The following CCDC62 variants were observed in gnomAD, a reference collection of about 807,000 sequenced individuals.
CCDC62 encodes coiled-coil domain-containing protein 62.
In CCDC62, 72 loss-of-function variants were observed where a neutral mutation model predicts 80.8. That is an observed-to-expected ratio of 0.89 (90% CI 0.74 to 1.08). The LOEUF is 1.08. CCDC62 is among the 50% of genes least tolerant of loss of function. The pLI, the probability that CCDC62 is intolerant of heterozygous loss-of-function variation, is 0.00. For synonymous variants in CCDC62, 286 were observed against 296.5 expected, an observed-to-expected ratio of 0.96 and a Z score of 0.36; for missense variants, 704 against 809.4, an observed-to-expected ratio of 0.87 and a Z score of 1.58.
At chr12:122,799,168 A>G (rs1312571270) in intron 8 of CCDC62, among the ~76,000 whole-genome samples, 3 of 152,182 alleles carry the variant, frequency 2.0e-5, no homozygotes, top group Non-Finnish European at 4.4e-5. Flanking sequence ...GGAAGACCCA[A>G]TCTAAGAATT....
At chr12:122,815,322 T>G (rs1326512876) in intron 11 of CCDC62, among the ~76,000 whole-genome samples, 1 of 152,118 alleles carries the variant, frequency 6.6e-6, no homozygotes, top group East Asian at 1.9e-4. Context: ...CAAGCAATCC[T>G]CCTGCCTCAG....
At chr12:122,788,542 G>A (rs2030405738) in intron 4 of CCDC62, among the ~76,000 whole-genome samples, 2 of 152,216 alleles carry the variant, frequency 1.3e-5, no homozygotes, top group Admixed American at 6.6e-5. Context: ...CTGTGTAACC[G>A]TGGGCAAGGA....
chr12:122,812,647 G>GGCAGGAGAATGGCGTGTACCCT (rs71085856), intron 10 of CCDC62, among the ~76,000 whole-genome samples: 1 of 24,454 alleles, frequency 4.1e-5, no homozygotes, highest in Non-Finnish European at 1.2e-4. Context: ...GGGAGGCTGA[G>GGCAGGAGAATGGCGTGTACCCT]GTGGGTGGAG....
At chr12:122,775,067 C>T (rs1879340716) in intron 1 of CCDC62, among the ~76,000 whole-genome samples, 1 of 123,836 alleles carries the variant, frequency 8.1e-6, no homozygotes, top group Non-Finnish European at 1.6e-5. Context: ...GCACTCCAGC[C>T]TGGGCGACAG....
chr12:122,803,231 C>T (rs1236272611), intron 9 of CCDC62, among the ~76,000 whole-genome samples: 3 of 152,114 alleles, frequency 2.0e-5, no homozygotes, highest in African/African-American at 4.8e-5. Flanking sequence ...CCTTTGTGTT[C>T]ATTCATTTCA....
At chr12:122,821,069 C>T (rs555761998) in intron 11 of CCDC62, among the ~76,000 whole-genome samples, 2 of 152,180 alleles carry the variant, frequency 1.3e-5, no homozygotes, top group Non-Finnish European at 2.9e-5. Context: ...TCTTTCCAGG[C>T]ATCATCTCCC....
intron 2 of CCDC62, 127 bp downstream of exon 2, chr12:122,777,810 A>G: frequency 1.2e-6 from 1 of 804,980 alleles, no homozygotes; most frequent in Non-Finnish European, 2.0e-6. Flanking sequence ...GGCTCATTGG[A>G]GACAGGAGGA....
chr12:122,795,913 G>A (rs969456542), intron 6 of CCDC62, among the ~76,000 whole-genome samples: 4 of 152,166 alleles, frequency 2.6e-5, no homozygotes, highest in Non-Finnish European at 5.9e-5. Context: ...AGGCGTCTAA[G>A]TCCCTTCCCA....
Position 122,792,131 on chromosome 12 carries a change from A to C in CCDC62, c.772+10A>C. On this transcript the variant is annotated intron_variant, in intron 6 of 12. Transcript: ENST00000253079. ...GAATTGCTTTTTACTGGTAAAACAGATGATCGAATGTATTTGTAACCTAGA... is the reference window on the plus strand; with the variant it reads ...GAATTGCTTTTTACTGGTAAAACAGCTGATCGAATGTATTTGTAACCTAGA... 1.3e-6 allele frequency: 2 copies of C among 1,512,596 alleles called. No homozygotes were observed. The highest frequency in any genetic ancestry group is 1.8e-6 in the Non-Finnish European group (2 of 1,088,222). The allele number at this position is 1,512,596 out of a possible 1,614,324, so 93.7% of individuals were successfully genotyped here.
chr12:122,820,178 G>A (rs1238573693), intron 11 of CCDC62, among the ~76,000 whole-genome samples: 2 of 152,054 alleles, frequency 1.3e-5, no homozygotes, highest in African/African-American at 2.4e-5. Context: ...TAGGAGGCAT[G>A]AGGGATGAGG....
intron 3 of CCDC62, among the ~76,000 whole-genome samples, chr12:122,784,216 T>C (rs2030064410): frequency 6.6e-6 from 1 of 152,110 alleles, no homozygotes; most frequent in Admixed American, 6.6e-5. Flanking sequence ...AAAGATATCT[T>C]TTTAAAAGTC....
intron 6 of CCDC62, among the ~76,000 whole-genome samples, chr12:122,795,393 G>GTT (rs1339861701): frequency 6.6e-6 from 1 of 151,616 alleles, no homozygotes; most frequent in Non-Finnish European, 1.5e-5. Context: ...ATGTCTTAAA[G>GTT]TTTTACTTTT....
rs2030431039 is a variant in CCDC62, at chr12:122,788,876, A to G, written c.617A>G (p.Gln206Arg). The G allele has an allele frequency of 2.5e-6, 4 of 1,611,580 alleles. No homozygotes were observed. The South Asian group carries it at 3.3e-5, about 13-fold the overall frequency. ...GAGACTTGTATTGTGAAAGAAAAGC[A>G]AGATTATAAGCAGAAATTGAAGGCA... ...MAETCIVKEKQDYKQKLKALK... is the reference protein window; with the variant it reads ...MAETCIVKEKRDYKQKLKALK... Residue 206 changes from glutamine (Q) to arginine (R), a missense_variant, in exon 5 of 13, where the codon CAA becomes CGA. Transcript: ENST00000253079.
intron 3 of CCDC62, among the ~76,000 whole-genome samples, chr12:122,783,146 GGTCA>G (rs1235325898): frequency 9.2e-5 from 14 of 151,466 alleles, no homozygotes; most frequent in South Asian, 2.1e-4. Context: ...TCTTCTAACT[GGTCA>G]GTCATCAGAT....
intron 9 of CCDC62, among the ~76,000 whole-genome samples, chr12:122,803,745 T>C (rs1361330301): frequency 6.6e-6 from 1 of 152,234 alleles, no homozygotes; most frequent in African/African-American, 2.4e-5. Flanking sequence ...CATCTATTCA[T>C]ATTTGGTCTT....
chr12:122,785,377 C>T (rs1190746259), intron 3 of CCDC62, among the ~76,000 whole-genome samples: 2 of 152,136 alleles, frequency 1.3e-5, no homozygotes, highest in Non-Finnish European at 2.9e-5. Context: ...ATTTTCTTGC[C>T]TCTTCCCAAC....
rs2032028467 is a variant in CCDC62, at chr12:122,813,390, CATGAGA to C, written c.1975_1980del (p.Glu659_Asn660del). On this transcript the variant is annotated inframe_deletion, in exon 11 of 13. Transcript: ENST00000253079. ...GCTGAGCACACTGCTGCCCATCAGCCATGAGAATCTCACTGGCAGTGCCACAAATGT... is the reference window on the plus strand; with the variant it reads ...GCTGAGCACACTGCTGCCCATCAGCCATCTCACTGGCAGTGCCACAAATGT... The C allele has an allele frequency of 6.2e-7, 1 of 1,612,956 alleles. No homozygotes were observed. Among genetic ancestry groups the C allele is most frequent in the Admixed American group, 1.7e-5 (1 of 59,896 alleles).
intron 1 of CCDC62, 74 bp from the exon 2 acceptor site, chr12:122,777,417 T>C (rs1879531714): frequency 7.6e-7 from 1 of 1,319,542 alleles, no homozygotes; most frequent in Non-Finnish European, 1.0e-6. Flanking sequence ...GATATACTTA[T>C]TTGGAAAATG....
intron 5 of CCDC62, among the ~76,000 whole-genome samples, chr12:122,789,879 A>T (rs989309044): frequency 2.6e-5 from 4 of 152,166 alleles, no homozygotes; most frequent in Admixed American, 6.6e-5. Context: ...TGACAGCAGG[A>T]ACAGACTCTG....
Sources: gnomAD v4.1 joint callset for allele counts (sites outside exome capture counted in the v4.1 genomes callset) on GRCh38, gnomAD v4.1.1 for gene constraint, MANE v1.5 for transcripts, NCBI Gene and HGNC (gene_info 2026-07-23, HGNC 2026-07-21) for gene names.